The following NAV1 variants were observed in gnomAD, a reference collection of about 807,000 sequenced individuals.
NAV1 encodes the protein pore membrane and/or filament interacting like protein 3.
Under a neutral mutation model 175.2 loss-of-function variants are expected in NAV1, and 18 were observed. The ratio of observed to expected loss-of-function variants is 0.10; its 90% confidence interval spans 0.07 to 0.15. The LOEUF is 0.15. Ranked by LOEUF, NAV1 falls within the 10% of genes least tolerant of loss-of-function variation. NAV1 has a pLI of 1.00. For missense variants in NAV1, 1,731 were observed against 2,436.6 expected (o/e 0.71, Z 6.10); for synonymous variants, 897 against 978.7 (o/e 0.92, Z 1.56).
chr1:201,691,779 T>C (rs1670957674), intron 1 of NAV1, among the ~76,000 whole-genome samples: 1 of 152,220 alleles, frequency 6.6e-6, no homozygotes, highest in African/African-American at 2.4e-5. Context: ...TGCCCACTAA[T>C]TGATCACAAC....
chr1:201,571,844 A>C (rs1187200729), intron 1 of NAV1, among the ~76,000 whole-genome samples: 1 of 152,252 alleles, frequency 6.6e-6, no homozygotes, highest in Non-Finnish European at 1.5e-5. Flanking sequence ...GTTCTTGGCA[A>C]AATTGTTTAT....
chr1:201,642,561 C>CTTTCTTTCTTTCTTTCTTT (rs1223515987), intron 2 of NAV1, among the ~76,000 whole-genome samples: 41 of 92,600 alleles, frequency 4.4e-4, no homozygotes, highest in East Asian at 5.2e-4. Context: ...TTCTTTTTTC[C>CTTTCTTTCTTTCTTTCTTT]CTTTCTTCCC....
chr1:201,577,102 C>G (rs1490727160), intron 1 of NAV1, among the ~76,000 whole-genome samples: 2 of 152,192 alleles, frequency 1.3e-5, no homozygotes, highest in African/African-American at 2.4e-5. Context: ...ATCCTCCCAT[C>G]TTAGCCTCCC....
intron 2 of NAV1, among the ~76,000 whole-genome samples, chr1:201,638,545 G>C (rs563558385): frequency 3.9e-5 from 6 of 152,206 alleles, no homozygotes; most frequent in Middle Eastern, 3.2e-3. Context: ...TCTCTGCCAG[G>C]ATCCCAGACT....
chr1:201,674,880 T>C (rs1367470219), intron 1 of NAV1, among the ~76,000 whole-genome samples: 2 of 151,830 alleles, frequency 1.3e-5, no homozygotes, highest in Admixed American at 6.6e-5. Flanking sequence ...CTACTAAAAA[T>C]ACACACACAC....
At chr1:201,610,436 G>T (rs1460042359) in intron 2 of NAV1, among the ~76,000 whole-genome samples, 1 of 152,242 alleles carries the variant, frequency 6.6e-6, no homozygotes, top group Non-Finnish European at 1.5e-5. Context: ...GGAGAACCAG[G>T]AAGTGAACTT....
chr1:201,672,596 C>G (rs895472699), intron 1 of NAV1, among the ~76,000 whole-genome samples: 15 of 152,160 alleles, frequency 9.9e-5, no homozygotes, highest in African/African-American at 3.4e-4. Context: ...GAACCTGAGG[C>G]AAAGAAAGGT....
intron 8 of NAV1, 50 bp downstream of exon 12, chr1:201,785,401 G>A (rs761298806): frequency 1.3e-6 from 2 of 1,565,026 alleles, no homozygotes; most frequent in Admixed American, 1.8e-5. Flanking sequence ...CTGCTGGTAT[G>A]TATGAAAAAT....
At chr1:201,780,128 T>C (rs1676220203) in intron 3 of NAV1, among the ~76,000 whole-genome samples, 1 of 152,238 alleles carries the variant, frequency 6.6e-6, no homozygotes, top group Non-Finnish European at 1.5e-5. Flanking sequence ...TATAATTAGA[T>C]TGATCCAAAA....
intron 29 of NAV1, 92 bp from the exon 34 acceptor site, chr1:201,819,745 A>T (rs1679279573): frequency 1.1e-5 from 13 of 1,182,836 alleles, no homozygotes; most frequent in Non-Finnish European, 1.6e-5. Flanking sequence ...TTGGCCTCCC[A>T]AAGTGTTGGG....
intron 3 of NAV1, among the ~76,000 whole-genome samples, chr1:201,777,232 G>A (rs1300305866): frequency 6.6e-6 from 1 of 152,210 alleles, no homozygotes; most frequent in Non-Finnish European, 1.5e-5. Context: ...TTTAAGTCAG[G>A]TATAGAGAAT....
intron 2 of NAV1, among the ~76,000 whole-genome samples, chr1:201,614,475 C>T (rs1166158530): frequency 6.6e-6 from 1 of 152,216 alleles, no homozygotes; most frequent in African/African-American, 2.4e-5. Context: ...GAGGGACCGC[C>T]GCCGAATACT....
At position 201,658,905 on chromosome 1, in the gene NAV1, C is replaced by T. The variant is rs148723679; in HGVS notation, c.757+9480C>T. 6.4e-4 allele frequency among the ~76,000 whole-genome samples: 97 copies of T among 152,304 alleles called. 1 individual carries two copies. Among genetic ancestry groups the T allele is most frequent in the African/African-American group, 2.2e-3 (91 of 41,568 alleles). ...TTGGCCCTCTGAGAGGGTAGGGGCA[C>T]CCCTTATCCTAACTCTTAGCCTAAA... On this transcript the variant is annotated intron_variant, in intron 1 of 29. Transcript: ENST00000367296.
intron 2 of NAV1, among the ~76,000 whole-genome samples, chr1:201,605,971 G>C (rs142549342): frequency 6.6e-6 from 1 of 152,200 alleles, no homozygotes; most frequent in African/African-American, 2.4e-5. Context: ...GGAAAAAGAG[G>C]GAAAGAGGAA....
At chr1:201,727,002 T>C (rs995507570) in intron 3 of NAV1, among the ~76,000 whole-genome samples, 5 of 152,214 alleles carry the variant, frequency 3.3e-5, no homozygotes, top group Admixed American at 3.3e-4. Flanking sequence ...CCTTCCTAGC[T>C]CTGTGAGTTT....
chr1:201,785,244 A>G, intron 7 of NAV1, 66 bp from the exon 12 acceptor site: 1 of 1,556,650 alleles, frequency 6.4e-7, no homozygotes, highest in Non-Finnish European at 8.7e-7. Context: ...CCTAAACTCT[A>G]GTTCCTAAGA....
intron 3 of NAV1, among the ~76,000 whole-genome samples, chr1:201,722,614 C>A (rs1438840334): frequency 6.6e-6 from 1 of 151,936 alleles, no homozygotes. Context: ...TGGGTATATA[C>A]CTGGAAATGG....
intron 2 of NAV1, among the ~76,000 whole-genome samples, chr1:201,637,174 C>G (rs1668637114): frequency 1.3e-5 from 2 of 152,142 alleles, no homozygotes; most frequent in African/African-American, 4.8e-5. Context: ...TGAGTGCAGC[C>G]ACAAAATGGG....
At chr1:201,795,724 T>C (rs1677401334) in intron 15 of NAV1, 1 of 152,014 alleles carries the variant, frequency 6.6e-6, no homozygotes, top group African/African-American at 2.4e-5. Flanking sequence ...AAAATCCAAC[T>C]TACAATTTTT....
Sources: allele counts gnomAD v4.1 joint callset (sites outside exome capture counted in the v4.1 genomes callset), GRCh38; gene constraint gnomAD v4.1.1; transcripts MANE v1.5; gene names NCBI Gene and HGNC (gene_info 2026-07-23, HGNC 2026-07-21).